Variants in PCDH15 observed in about 807,000 individuals in gnomAD.
PCDH15 encodes protocadherin-15.
A neutral mutation model predicts 178.5 loss-of-function variants in PCDH15; 129 were observed. The observed-to-expected ratio is 0.72, with a 90% CI of 0.63 to 0.84. The LOEUF is 0.84. Ranked by LOEUF, PCDH15 falls within the 40% of genes least tolerant of loss-of-function variation. The pLI is 0.00. For synonymous variants in PCDH15, 800 were observed against 732.0 expected (o/e 1.09, Z -1.50); for missense variants, 2,230 against 2,099.9 (o/e 1.06, Z -1.21).
chr10:55,060,666 G>A (rs1274164841), intron 2 of PCDH15, among the ~76,000 whole-genome samples: 1 of 151,914 alleles, frequency 6.6e-6, no homozygotes, highest in South Asian at 2.1e-4. Flanking sequence ...AATAGGGGAA[G>A]CAAAATAAAA....
intron 21 of PCDH15, among the ~76,000 whole-genome samples, chr10:53,964,248 G>A (rs753751331): frequency 2.6e-5 from 4 of 151,772 alleles, no homozygotes; most frequent in Non-Finnish European, 5.9e-5. Flanking sequence ...CTTGTTTACT[G>A]TTTGTCTCCC....
chr10:55,231,618 A>C (rs994574797), intron 1 of PCDH15, among the ~76,000 whole-genome samples: 1 of 152,018 alleles, frequency 6.6e-6, no homozygotes, highest in Non-Finnish European at 1.5e-5. Context: ...AAATTATTGT[A>C]AGCTTTGAAA....
At chr10:54,818,389 C>T (rs1354720508) in intron 3 of PCDH15, among the ~76,000 whole-genome samples, 2 of 152,044 alleles carry the variant, frequency 1.3e-5, no homozygotes, top group Admixed American at 1.3e-4. Flanking sequence ...CTTCTTTCAA[C>T]ATACTTTTTT....
chr10:54,948,243 C>A (rs955399778), intron 2 of PCDH15, among the ~76,000 whole-genome samples: 1 of 151,860 alleles, frequency 6.6e-6, no homozygotes, highest in Non-Finnish European at 1.5e-5. Context: ...GGCTTGAGAC[C>A]TAAAAAGAGC....
chr10:55,115,150 T>C (rs1837599255), intron 2 of PCDH15, among the ~76,000 whole-genome samples: 1 of 152,222 alleles, frequency 6.6e-6, no homozygotes, highest in Admixed American at 6.5e-5. Flanking sequence ...CTCCTGTTAA[T>C]TATAAATGAA....
intron 2 of PCDH15, among the ~76,000 whole-genome samples, chr10:55,505,555 G>T (rs1009768334): frequency 1.3e-5 from 2 of 151,212 alleles, no homozygotes; most frequent in Non-Finnish European, 3.0e-5. Flanking sequence ...GACAATATAT[G>T]GAAGGTAGGA....
At chr10:55,283,525 A>T (rs1297392222) in intron 1 of PCDH15, among the ~76,000 whole-genome samples, 2 of 151,720 alleles carry the variant, frequency 1.3e-5, no homozygotes, top group Non-Finnish European at 2.9e-5. Flanking sequence ...AGGAAAACCC[A>T]CTGGGCAGTT....
intron 15 of PCDH15, among the ~76,000 whole-genome samples, chr10:54,108,293 A>G (rs1281327616): frequency 6.6e-6 from 1 of 152,160 alleles, no homozygotes; most frequent in African/African-American, 2.4e-5. Flanking sequence ...GGCAGAAGAC[A>G]CATGGCAAGA....
chr10:55,022,306 G>A (rs1476891755), intron 2 of PCDH15, among the ~76,000 whole-genome samples: 2 of 151,780 alleles, frequency 1.3e-5, no homozygotes, highest in Non-Finnish European at 2.9e-5. Flanking sequence ...ACAAAAATTA[G>A]CTGGGCATGG....
chr10:54,032,935 T>C (rs983213507), intron 18 of PCDH15, among the ~76,000 whole-genome samples: 1 of 151,902 alleles, frequency 6.6e-6, no homozygotes, highest in Non-Finnish European at 1.5e-5. Flanking sequence ...CAATCACTTA[T>C]AAAACCATCA....
At chr10:55,363,409 T>G (rs919360829) in intron 2 of PCDH15, among the ~76,000 whole-genome samples, 1 of 152,166 alleles carries the variant, frequency 6.6e-6, no homozygotes, top group Non-Finnish European at 1.5e-5. Flanking sequence ...AATATCAGTT[T>G]TATTTTATTT....
chr10:55,267,132 G>A (rs935627233), intron 1 of PCDH15, among the ~76,000 whole-genome samples: 2 of 152,080 alleles, frequency 1.3e-5, no homozygotes, highest in African/African-American at 4.8e-5. Context: ...GGGAGGGTAG[G>A]AGAAGGAGAG....
At chr10:54,549,096 T>C (rs1448021313) in intron 2 of PCDH15, among the ~76,000 whole-genome samples, 2 of 151,972 alleles carry the variant, frequency 1.3e-5, no homozygotes, top group Non-Finnish European at 2.9e-5. Context: ...CTTTAATTTC[T>C]ATTTTTCCTG....
At chr10:53,888,966 G>A (rs2081369608) in intron 26 of PCDH15, among the ~76,000 whole-genome samples, 2 of 149,614 alleles carry the variant, frequency 1.3e-5, no homozygotes, top group African/African-American at 4.9e-5. Context: ...AAGTAGAGTG[G>A]AGAAAAAAAA....
intron 3 of PCDH15, chr10:54,486,090 C>T (rs1236024195): frequency 6.6e-6 from 1 of 151,992 alleles, no homozygotes. Flanking sequence ...TAATTTGAAT[C>T]TAAGCAATAA....
chr10:55,582,350 G>A (rs1451425024), intron 2 of PCDH15, among the ~76,000 whole-genome samples: 1 of 151,886 alleles, frequency 6.6e-6, no homozygotes, highest in African/African-American at 2.4e-5. Flanking sequence ...AGCATTCCTA[G>A]GATCGCCTTC....
At chr10:54,746,249 GT>G (rs1945446032) in intron 1 of PCDH15, among the ~76,000 whole-genome samples, 1 of 152,050 alleles carries the variant, frequency 6.6e-6, no homozygotes, top group African/African-American at 2.4e-5. Context: ...AGCCAAAAAT[GT>G]TTCTAAGCAC....
intron 2 of PCDH15, among the ~76,000 whole-genome samples, chr10:54,621,342 T>C (rs542486112): frequency 6.6e-6 from 1 of 152,108 alleles, no homozygotes; most frequent in African/African-American, 2.4e-5. Context: ...TTATTAAATA[T>C]GCTGATCTCT....
intron 3 of PCDH15, among the ~76,000 whole-genome samples, chr10:54,470,223 C>A (rs886725843): frequency 1.3e-5 from 2 of 152,152 alleles, no homozygotes; most frequent in Non-Finnish European, 2.9e-5. Flanking sequence ...TTAGTACACA[C>A]GAGCAGATAG....
Sources: gnomAD v4.1 joint callset for allele counts (sites outside exome capture counted in the v4.1 genomes callset) on GRCh38, gnomAD v4.1.1 for gene constraint, MANE v1.5 for transcripts, NCBI Gene and HGNC (gene_info 2026-07-23, HGNC 2026-07-21) for gene names.